The following C17orf78 variants were observed in gnomAD, a reference collection of about 807,000 sequenced individuals.
C17orf78 encodes the protein uncharacterized protein C17orf78.
In C17orf78, 27 loss-of-function variants were observed where a neutral mutation model predicts 31.8. That is an observed-to-expected ratio of 0.85 (90% CI 0.63 to 1.17). The LOEUF is 1.17. Ranked by LOEUF, C17orf78 falls within the 50% of genes most tolerant of loss-of-function variation. The probability of loss-of-function intolerance (pLI) is 0.00; values close to 1 mark genes in which losing one functional copy is unlikely to be tolerated. For missense variants in C17orf78, 258 were observed against 315.2 expected, an observed-to-expected ratio of 0.82 and a Z score of 1.37; for synonymous variants, 106 against 115.1, an observed-to-expected ratio of 0.92 and a Z score of 0.51.
intron 6 of C17orf78, among the ~76,000 whole-genome samples, chr17:37,390,036 A>C (rs1430276277): frequency 1.4e-5 from 2 of 144,060 alleles, no homozygotes; most frequent in Non-Finnish European, 3.0e-5. Context: ...CTGCAATCCC[A>C]GTGCTTTGGG....
chr17:37,388,546 T>C (rs969162036), intron 4 of C17orf78, 124 bp from the exon 5 acceptor site: 2 of 1,150,218 alleles, frequency 1.7e-6, no homozygotes, highest in Admixed American at 2.5e-5. Context: ...ATTCTGCCTC[T>C]GCCTCTGGGT....
chr17:37,391,498 C>A, intron 6 of C17orf78, 149 bp from the exon 7 acceptor site: 1 of 688,828 alleles, frequency 1.5e-6, no homozygotes, highest in Non-Finnish European at 2.6e-6. Flanking sequence ...ATCATACTTT[C>A]TCAGTGTAAT....
intron 2 of C17orf78, among the ~76,000 whole-genome samples, chr17:37,378,435 A>T (rs564877890): frequency 6.6e-6 from 1 of 152,244 alleles, no homozygotes. Flanking sequence ...AGCTTTGGCC[A>T]GGCATGGTGG....
chr17:37,390,304 T>TTATATA (rs1189193698), intron 6 of C17orf78, among the ~76,000 whole-genome samples: 670 of 17,954 alleles, frequency 0.037, 27 homozygotes, highest in South Asian at 0.074. Context: ...TTATACATAA[T>TTATATA]TATATATATA....
At chr17:37,381,749 TC>T (rs1228732584) in intron 3 of C17orf78, among the ~76,000 whole-genome samples, 1 of 149,370 alleles carries the variant, frequency 6.7e-6, no homozygotes. Flanking sequence ...TGCCTCAGCC[TC>T]CCGAGTAGCT....
chr17:37,390,729 T>C (rs1210998096), intron 6 of C17orf78, among the ~76,000 whole-genome samples: 3 of 148,272 alleles, frequency 2.0e-5, no homozygotes, highest in Non-Finnish European at 3.0e-5. Context: ...GGAATTGAAG[T>C]CTGCAATGAG....
At chr17:37,381,923 G>C (rs766885301) in intron 3 of C17orf78, among the ~76,000 whole-genome samples, 1 of 151,936 alleles carries the variant, frequency 6.6e-6, no homozygotes, top group Non-Finnish European at 1.5e-5. Context: ...CACTGCACCC[G>C]GCCATGTCTC....
chr17:37,377,263 T>C (rs2147711877), intron 1 of C17orf78, among the ~76,000 whole-genome samples: 1 of 152,310 alleles, frequency 6.6e-6, no homozygotes, highest in South Asian at 2.1e-4. Context: ...TAGTAAATTT[T>C]CTTAACTCTA....
chr17:37,382,601 C>T (rs944911900), intron 3 of C17orf78, among the ~76,000 whole-genome samples: 1 of 152,148 alleles, frequency 6.6e-6, no homozygotes, highest in African/African-American at 2.4e-5. Context: ...GTGGCTCACG[C>T]CTGTAATCCC....
Position 37,386,063 on chromosome 17 carries a change from T to C in C17orf78, c.446T>C (p.Phe149Ser), listed in dbSNP as rs1245194755. ...GTCCTGGGGGCTTCATCAGAGACTT[T>C]TCCCACCACTGCCCCTTCTATAACT... ...CKVLGASSET[F>S]PTTAPSITPG... The change falls in exon 4 of 7, where the codon TTT (phenylalanine) becomes TCT (serine). Residue 149 changes from phenylalanine to serine, a missense_variant. Phe to Ser is a radical substitution (Grantham distance 155, BLOSUM62 -2). Transcript: ENST00000615133. The C allele has an allele frequency of 6.2e-7, 1 of 1,606,528 alleles. No homozygotes were observed. The highest frequency in any genetic ancestry group is 8.5e-7 in the Non-Finnish European group (1 of 1,174,532).
chr17:37,382,903 G>C (rs1366422005), intron 3 of C17orf78, among the ~76,000 whole-genome samples: 1 of 152,016 alleles, frequency 6.6e-6, no homozygotes, highest in South Asian at 2.1e-4. Flanking sequence ...CAGGCATGGA[G>C]GCACGCGCTT....
intron 5 of C17orf78, 111 bp downstream of exon 5, chr17:37,388,905 T>C (rs2147788787): frequency 7.2e-7 from 1 of 1,379,502 alleles, no homozygotes. Flanking sequence ...TTTGAGGAGA[T>C]GTGCCACTCA....
rs554151671 is a variant in C17orf78, at chr17:37,381,870, G to A, written c.391+2488G>A. Among the ~76,000 whole-genome samples, 33 of 151,368 alleles carry A rather than the reference G, an allele frequency of 2.2e-4. 1 individual carries two copies. Among genetic ancestry groups the A allele is most frequent in the African/African-American group, 7.8e-4 (32 of 41,288 alleles). ...TCTCGATCGCCTGACCTTGTGATCT[G>A]CCCGCCTTGGCCTCCCAAAGTGCTG... On this transcript the variant is annotated intron_variant, in intron 3 of 6. Transcript: ENST00000615133.
chr17:37,376,064 G>A lies in C17orf78; in HGVS notation c.-29G>A, dbSNP rs756689419. ...GGCTGTGACAGATGAGCAGTGGTCT[G>A]TCTGCAATGAGCATGTGCTCAAGCT... On this transcript the variant is annotated 5_prime_UTR_variant, in exon 1 of 7. Transcript: ENST00000615133. 1 of 1,594,996 alleles carries A rather than the reference G, an allele frequency of 6.3e-7. No individual in the cohort carries two copies.
chr17:37,391,556 G>T (rs2147811948), intron 6 of C17orf78, 91 bp from the exon 7 acceptor site: 2 of 1,108,520 alleles, frequency 1.8e-6, no homozygotes, highest in Non-Finnish European at 1.4e-6. Context: ...AATTACATGG[G>T]GTTTTGTACT....
At chr17:37,379,669 A>T (rs890585484) in intron 3 of C17orf78, among the ~76,000 whole-genome samples, 1 of 152,030 alleles carries the variant, frequency 6.6e-6, no homozygotes, top group African/African-American at 2.4e-5. Flanking sequence ...AAAACACATG[A>T]AAAAATGCTC....
intron 2 of C17orf78, among the ~76,000 whole-genome samples, chr17:37,378,746 A>C (rs551788057): frequency 6.6e-6 from 1 of 150,780 alleles, no homozygotes. Flanking sequence ...GTGCCATTGC[A>C]CTCTAGCCTG....
At chr17:37,378,070 C>CTTAAAATAGGA in intron 2 of C17orf78, 105 bp downstream of exon 2, 2 of 1,075,064 alleles carry the variant, frequency 1.9e-6, no homozygotes, top group Non-Finnish European at 2.8e-6. Context: ...CTCAAATATC[C>CTTAAAATAGGA]TATTTTAAGG....
intron 1 of C17orf78, 69 bp from the exon 2 acceptor site, chr17:37,377,810 A>C: frequency 8.0e-7 from 1 of 1,257,512 alleles, no homozygotes; most frequent in East Asian, 2.3e-5. Context: ...CTAAAAAGTA[A>C]GTACCAGTAA....
Sources: allele counts gnomAD v4.1 joint callset (sites outside exome capture counted in the v4.1 genomes callset), GRCh38; gene constraint gnomAD v4.1.1; transcripts MANE v1.5; gene names NCBI Gene and HGNC (gene_info 2026-07-23, HGNC 2026-07-21).